CXCL13: variants seen among roughly 807,000 people sequenced by gnomAD.
CXCL13 encodes C-X-C motif chemokine 13.
A neutral mutation model predicts 12.2 loss-of-function variants in CXCL13; 7 were observed. The observed-to-expected ratio is 0.57, with a 90% CI of 0.33 to 1.07. The LOEUF (loss-of-function observed/expected upper bound fraction) is 1.07. Among genes scored for constraint, CXCL13 ranks in the 50% least tolerant of loss-of-function variants. The probability of loss-of-function intolerance (pLI) is 0.04; values close to 1 mark genes in which losing one functional copy is unlikely to be tolerated. For synonymous variants in CXCL13, 47 were observed against 42.4 expected, an observed-to-expected ratio of 1.11 and a Z score of -0.42; for missense variants, 113 against 127.4, an observed-to-expected ratio of 0.89 and a Z score of 0.55.
At chr4:77,586,330 G>C (rs1466029920) in intron 1 of CXCL13, among the ~76,000 whole-genome samples, 8 of 152,002 alleles carry the variant, frequency 5.3e-5, no homozygotes, top group Admixed American at 3.9e-4. Flanking sequence ...TGAGTAACAA[G>C]ATAATTGAAT....
chr4:77,585,061 G>A (rs1726421145), intron 1 of CXCL13, among the ~76,000 whole-genome samples: 1 of 152,082 alleles, frequency 6.6e-6, no homozygotes, highest in Non-Finnish European at 1.5e-5. Flanking sequence ...ATGACTACTT[G>A]CAAGCTTTCC....
chr4:77,531,267 C>G (rs1304966056), intron 1 of CXCL13, among the ~76,000 whole-genome samples: 1 of 102,228 alleles, frequency 9.8e-6, no homozygotes, highest in Non-Finnish European at 1.9e-5. Flanking sequence ...AATGCTATCC[C>G]TCCCCCCTCC....
chr4:77,599,445 A>T (rs1008219470), intron 1 of CXCL13, among the ~76,000 whole-genome samples: 2 of 152,258 alleles, frequency 1.3e-5, no homozygotes, highest in Non-Finnish European at 2.9e-5. Context: ...TTCAGAACAG[A>T]CATGGTCCTT....
chr4:77,531,916 C>G (rs961756825), intron 1 of CXCL13, among the ~76,000 whole-genome samples: 2 of 152,120 alleles, frequency 1.3e-5, no homozygotes, highest in African/African-American at 2.4e-5. Context: ...TCCTCCATCC[C>G]TTTATTTTGA....
chr4:77,590,000 C>T (rs777450654), intron 1 of CXCL13, among the ~76,000 whole-genome samples: 21 of 152,070 alleles, frequency 1.4e-4, no homozygotes, highest in African/African-American at 2.4e-4. Context: ...GCCGCAAGTA[C>T]GTGGCCCAGG....
chr4:77,518,059 A>G (rs1244205820), intron 1 of CXCL13, among the ~76,000 whole-genome samples: 2 of 152,138 alleles, frequency 1.3e-5, no homozygotes, highest in African/African-American at 4.8e-5. Context: ...TATGAAGCTT[A>G]GTTTGGCTGG....
At chr4:77,523,581 C>T (rs1172666901) in intron 1 of CXCL13, among the ~76,000 whole-genome samples, 1 of 152,176 alleles carries the variant, frequency 6.6e-6, no homozygotes, top group Non-Finnish European at 1.5e-5. Context: ...AATGTCTTCT[C>T]TACACTGTTT....
At chr4:77,519,345 C>T (rs1724515625) in intron 1 of CXCL13, among the ~76,000 whole-genome samples, 1 of 152,194 alleles carries the variant, frequency 6.6e-6, no homozygotes, top group African/African-American at 2.4e-5. Context: ...GCAGAAATCA[C>T]CCGTCTTCTG....
chr4:77,535,982 G>T (rs956208196), intron 1 of CXCL13, among the ~76,000 whole-genome samples: 2 of 152,174 alleles, frequency 1.3e-5, no homozygotes, highest in Non-Finnish European at 2.9e-5. Flanking sequence ...AGAATACTTT[G>T]TTGAGCAGTA....
chr4:77,570,545 C>T (rs553215533), intron 1 of CXCL13, among the ~76,000 whole-genome samples: 1 of 152,364 alleles, frequency 6.6e-6, no homozygotes, highest in East Asian at 1.9e-4. Context: ...CCTCCTCTGC[C>T]TGGGTTCCCA....
At chr4:77,578,644 C>A (rs1578062352) in intron 1 of CXCL13, among the ~76,000 whole-genome samples, 1 of 152,244 alleles carries the variant, frequency 6.6e-6, no homozygotes, top group South Asian at 2.1e-4. Context: ...TAGCAGGACA[C>A]CCTCTCACTG....
chr4:77,520,974 CAT>C (rs1302170970), intron 1 of CXCL13, among the ~76,000 whole-genome samples: 1 of 152,142 alleles, frequency 6.6e-6, no homozygotes, highest in Non-Finnish European at 1.5e-5. Flanking sequence ...TTGAGATAAT[CAT>C]GTGGTTTTTT....
intron 1 of CXCL13, among the ~76,000 whole-genome samples, chr4:77,581,160 T>A (rs1726326469): frequency 6.6e-6 from 1 of 152,162 alleles, no homozygotes; most frequent in Non-Finnish European, 1.5e-5. Context: ...GAAAATTTTT[T>A]AAATGCTCTG....
intron 1 of CXCL13, among the ~76,000 whole-genome samples, chr4:77,523,471 G>T (rs985305376): frequency 1.3e-5 from 2 of 152,172 alleles, no homozygotes; most frequent in Middle Eastern, 6.8e-3. Context: ...GATCTTCAGT[G>T]ACTGATACTC....
rs550438901 is a variant in CXCL13 at position 77,534,296 on chromosome 4, A to T, written c.-43+22508A>T. On this transcript the variant is annotated intron_variant, in intron 1 of 4. Coordinates refer to the CXCL13 transcript ENST00000286758. Reference sequence around the variant, plus strand: ...TGTTCACACAAAAACCTGCACATGGATGTTTCTAATAGCTTCATTTGTAAC... The same window carrying T: ...TGTTCACACAAAAACCTGCACATGGTTGTTTCTAATAGCTTCATTTGTAAC... Among the ~76,000 whole-genome samples, 86 of 152,330 alleles carry T rather than the reference A, an allele frequency of 5.6e-4. 1 individual carries two copies. The South Asian group carries it at 0.017, about 31-fold the overall frequency.
At chr4:77,565,946 C>A (rs1321539390) in intron 1 of CXCL13, among the ~76,000 whole-genome samples, 3 of 152,190 alleles carry the variant, frequency 2.0e-5, no homozygotes, top group African/African-American at 7.2e-5. Context: ...TAAACAAATC[C>A]TACAAACCTT....
At chr4:77,532,281 T>G (rs1343223460) in intron 1 of CXCL13, among the ~76,000 whole-genome samples, 9 of 152,144 alleles carry the variant, frequency 5.9e-5, no homozygotes, top group East Asian at 3.9e-4. Flanking sequence ...GTCTGTAAAG[T>G]ATTTTATTTC....
chr4:77,530,979 TG>T (rs1289740714), intron 1 of CXCL13, among the ~76,000 whole-genome samples: 1 of 152,064 alleles, frequency 6.6e-6, no homozygotes, highest in African/African-American at 2.4e-5. Flanking sequence ...CTTGTGTCTT[TG>T]TTCTCGTTGG....
intron 1 of CXCL13, among the ~76,000 whole-genome samples, chr4:77,570,624 A>G (rs1726047447): frequency 6.6e-6 from 1 of 152,194 alleles, no homozygotes; most frequent in Admixed American, 6.5e-5. Context: ...GGGCTGGCCA[A>G]GGCCAGAGCC....
Sources: allele counts gnomAD v4.1 joint callset (sites outside exome capture counted in the v4.1 genomes callset), GRCh38; gene constraint gnomAD v4.1.1; transcripts MANE v1.5; gene names NCBI Gene and HGNC (gene_info 2026-07-23, HGNC 2026-07-21).